The following TMTC2 variants were observed in gnomAD, a reference collection of about 807,000 sequenced individuals.
The protein encoded by TMTC2 is transmembrane O-mannosyltransferase targeting cadherins 2, also known as protein O-mannosyl-transferase TMTC2.
In TMTC2, 43 loss-of-function variants were observed where a neutral mutation model predicts 82.4. The ratio of observed to expected loss-of-function variants is 0.52; its 90% CI spans 0.41 to 0.67. The LOEUF is 0.67. TMTC2 is among the 30% of genes least tolerant of loss of function. TMTC2 has a pLI of 0.00. For synonymous variants in TMTC2, 408 were observed against 381.9 expected (o/e 1.07, Z -0.80); for missense variants, 919 against 1,012.4 (o/e 0.91, Z 1.25).
intron 9 of TMTC2, among the ~76,000 whole-genome samples, chr12:83,044,797 A>G (rs1882030278): frequency 1.3e-5 from 2 of 152,200 alleles, no homozygotes; most frequent in African/African-American, 4.8e-5. Flanking sequence ...CATGACACCT[A>G]TTGCAGATTG....
At chr12:82,822,665 A>T (rs769516836) in intron 1 of TMTC2, among the ~76,000 whole-genome samples, 1 of 152,156 alleles carries the variant, frequency 6.6e-6, no homozygotes, top group Non-Finnish European at 1.5e-5. Flanking sequence ...TCTTTTAGTG[A>T]TTTTGTGGCA....
intron 2 of TMTC2, among the ~76,000 whole-genome samples, chr12:82,880,317 T>TA (rs1373606453): frequency 1.3e-5 from 2 of 152,218 alleles, no homozygotes; most frequent in Non-Finnish European, 2.9e-5. Context: ...TACTATCTGG[T>TA]AATCAACATT....
intron 11 of TMTC2, among the ~76,000 whole-genome samples, chr12:83,113,860 G>A (rs1884671722): frequency 6.6e-6 from 1 of 152,166 alleles, no homozygotes; most frequent in East Asian, 1.9e-4. Context: ...CTTTATGTTT[G>A]ACCTGGTCAT....
intron 1 of TMTC2, among the ~76,000 whole-genome samples, chr12:82,732,595 G>A (rs1465491486): frequency 1.3e-5 from 2 of 151,932 alleles, no homozygotes; most frequent in African/African-American, 4.8e-5. Context: ...CGTCTGCCTC[G>A]GCCTCCCAAA....
chr12:82,735,967 C>T lies in TMTC2; in HGVS notation c.83+48298C>T, dbSNP rs199530464. Among the ~76,000 whole-genome samples, 36 of 105,012 alleles carry T rather than the reference C, an allele frequency of 3.4e-4. No individual in the cohort carries two copies. The East Asian group carries it at 6.6e-3, about 19-fold the overall frequency. 68.9% of individuals were successfully genotyped at this position (105,012 alleles called of 152,430 possible). On this transcript the variant is annotated intron_variant, in intron 1 of 11. Transcript: ENST00000321196. The stretch of plus-strand genomic sequence containing the variant: ...CAGCCCAGGTGACAGTGCGAGACTC[C>T]GTCACACACACACACACACACACAC...
At chr12:82,711,243 C>T (rs950381713) in intron 1 of TMTC2, among the ~76,000 whole-genome samples, 5 of 152,136 alleles carry the variant, frequency 3.3e-5, no homozygotes, top group African/African-American at 9.7e-5. Context: ...CGTCAACTTC[C>T]GTTAAATCCC....
intron 10 of TMTC2, 151 bp downstream of exon 10, chr12:83,051,169 T>C: frequency 1.8e-6 from 1 of 567,550 alleles, no homozygotes; most frequent in Non-Finnish European, 2.9e-6. Flanking sequence ...TTGTATTCAT[T>C]ATAGGCTATT....
chr12:82,695,835 C>T (rs542185332), intron 1 of TMTC2, among the ~76,000 whole-genome samples: 4 of 152,278 alleles, frequency 2.6e-5, no homozygotes, highest in South Asian at 4.1e-4. Context: ...AGAAGGGGTT[C>T]TCAAAGTGGG....
intron 1 of TMTC2, among the ~76,000 whole-genome samples, chr12:82,846,325 T>G (rs2137098859): frequency 6.6e-6 from 1 of 152,120 alleles, no homozygotes; most frequent in South Asian, 2.1e-4. Context: ...GTGACTGCAC[T>G]CCAGCCTGGG....
At chr12:83,114,791 A>G (rs1487479875) in intron 11 of TMTC2, among the ~76,000 whole-genome samples, 1 of 151,996 alleles carries the variant, frequency 6.6e-6, no homozygotes, top group Non-Finnish European at 1.5e-5. Flanking sequence ...GCTTATGTCC[A>G]TGTACACTGT....
At chr12:82,699,633 G>T (rs146841674) in intron 1 of TMTC2, among the ~76,000 whole-genome samples, 60 of 152,306 alleles carry the variant, frequency 3.9e-4, no homozygotes, top group African/African-American at 1.3e-3. Context: ...TGTATATCAA[G>T]AATTTGCAGT....
intron 1 of TMTC2, among the ~76,000 whole-genome samples, chr12:82,750,094 A>T (rs919243115): frequency 3.9e-5 from 6 of 152,134 alleles, no homozygotes; most frequent in Non-Finnish European, 7.4e-5. Context: ...GTTCTCACAG[A>T]AAAACATACA....
At chr12:82,863,991 T>C (rs1565783114) in intron 2 of TMTC2, among the ~76,000 whole-genome samples, 1 of 152,158 alleles carries the variant, frequency 6.6e-6, no homozygotes, top group Non-Finnish European at 1.5e-5. Context: ...AAATGCCTTC[T>C]GGAGCAGAGA....
Position 82,866,258 on chromosome 12 carries a change from A to C in TMTC2, c.654+8678A>C, listed in dbSNP as rs1031529820. ...TTTGAAAAGATCAAAAAAAAAAAAA[A>C]AAAAACAAAAAACTTTCTTTCTCCT... On this transcript the variant is annotated intron_variant, in intron 2 of 11. Transcript: ENST00000321196. 5.3e-5 allele frequency among the ~76,000 whole-genome samples: 8 copies of C among 151,840 alleles called. No homozygotes were observed. The South Asian group carries it at 6.2e-4, about 12-fold the overall frequency.
chr12:82,931,893 ACT>A (rs1440194519), intron 4 of TMTC2, among the ~76,000 whole-genome samples: 1 of 152,064 alleles, frequency 6.6e-6, no homozygotes, highest in Non-Finnish European at 1.5e-5. Flanking sequence ...TGGTTGAAAC[ACT>A]GAGTGATGTG....
intron 11 of TMTC2, among the ~76,000 whole-genome samples, chr12:83,067,739 C>T (rs1315053840): frequency 6.6e-6 from 1 of 151,872 alleles, no homozygotes; most frequent in Admixed American, 6.6e-5. Context: ...AAATAAGTAC[C>T]AATGAGGACA....
At chr12:82,853,409 G>A (rs17010056) in intron 1 of TMTC2, among the ~76,000 whole-genome samples, 8,985 of 152,024 alleles carry the variant, frequency 0.059, 330 homozygotes, top group African/African-American at 0.098. Flanking sequence ...GGCCTCAAAG[G>A]TTTTTTTCTC....
intron 11 of TMTC2, among the ~76,000 whole-genome samples, chr12:83,125,263 T>C (rs562320445): frequency 1.7e-4 from 26 of 152,276 alleles, no homozygotes; most frequent in African/African-American, 2.9e-4. Flanking sequence ...TTATAACAGA[T>C]TTTTCATTTT....
At chr12:83,029,524 A>C (rs1046191581) in intron 8 of TMTC2, among the ~76,000 whole-genome samples, 7 of 152,210 alleles carry the variant, frequency 4.6e-5, no homozygotes, top group Non-Finnish European at 8.8e-5. Flanking sequence ...AAAGTAAGAA[A>C]AAAACATTGC....
Sources: allele counts gnomAD v4.1 joint callset (sites outside exome capture counted in the v4.1 genomes callset), GRCh38; gene constraint gnomAD v4.1.1; transcripts MANE v1.5; gene names NCBI Gene and HGNC (gene_info 2026-07-23, HGNC 2026-07-21).